The following PLEKHG4B variants were observed in gnomAD, a reference collection of about 807,000 sequenced individuals.
PLEKHG4B encodes pleckstrin homology and RhoGEF domain containing G4B.
In PLEKHG4B, 111 loss-of-function variants were observed where a neutral mutation model predicts 121.3. That is an observed-to-expected ratio of 0.92 (90% confidence interval 0.78 to 1.07). PLEKHG4B has a LOEUF of 1.07. Among genes scored for constraint, PLEKHG4B ranks in the 50% least tolerant of loss-of-function variants. PLEKHG4B has a pLI of 0.00. For missense variants in PLEKHG4B, 1,831 were observed against 1,757.8 expected, an observed-to-expected ratio of 1.04 and a Z score of -0.74; for synonymous variants, 738 against 725.0, an observed-to-expected ratio of 1.02 and a Z score of -0.29.
At chr5:125,888 A>G (rs1304836527) in intron 2 of PLEKHG4B, among the ~76,000 whole-genome samples, 5 of 152,162 alleles carry the variant, frequency 3.3e-5, no homozygotes, top group Non-Finnish European at 7.4e-5. Flanking sequence ...CCTTGTCAAC[A>G]GGATTTTTTT....
chr5:163,389 T>G lies in PLEKHG4B; in HGVS notation c.3317T>G (p.Val1106Gly). 2 of 1,613,108 alleles carry G rather than the reference T, an allele frequency of 1.2e-6. No homozygotes were observed. The highest frequency in any genetic ancestry group is 1.7e-6 in the Non-Finnish European group (2 of 1,180,028). ...TCCTGCCAGCCAGACCATACTAGTGTCTTCAGCAAGGGCCTGGAGGTAACC... is the reference window on the plus strand; with the variant it reads ...TCCTGCCAGCCAGACCATACTAGTGGCTTCAGCAAGGGCCTGGAGGTAACC... ...RDSCQPDHTSVFSKGLEVTST... is the reference protein window; with the variant it reads ...RDSCQPDHTSGFSKGLEVTST... Residue 1106 changes from valine (V) to glycine (G), a missense_variant, in exon 13 of 20, where the codon GTC (valine) becomes GGC (glycine). By Grantham distance (109) the Val-to-Gly change is moderately radical. Coordinates refer to ENST00000637938, the MANE Select transcript of PLEKHG4B (RefSeq NM_052909.5).
In PLEKHG4B at chr5:185,221, A is replaced by G. The variant is rs1471849250; in HGVS notation, c.*2898A>G. 1 of 152,246 alleles carries G rather than the reference A, an allele frequency of 6.6e-6. No homozygotes were observed. The highest frequency in any genetic ancestry group is 2.4e-5 in the African/African-American group (1 of 41,452). 9.4% of individuals were successfully genotyped at this position (152,246 alleles called of 1,614,324 possible). On this transcript the variant is annotated 3_prime_UTR_variant, in exon 20 of 20. Coordinates refer to ENST00000637938, the MANE Select transcript of PLEKHG4B (RefSeq NM_052909.5). ...AGAGAGACTGAAGCAGCCACTGGCC[A>G]TCACAGCAAACACAAGCAGGGCGCA...
At chr5:110,432 C>G (rs1449977197) in intron 1 of PLEKHG4B, among the ~76,000 whole-genome samples, 1 of 151,288 alleles carries the variant, frequency 6.6e-6, no homozygotes, top group Non-Finnish European at 1.5e-5. Context: ...AACACACGTG[C>G]ACACACCCAC....
At position 98,029 on chromosome 5, in the gene PLEKHG4B, A is replaced by G. The variant is rs992213198; in HGVS notation, c.45+5753A>G. On this transcript the variant is annotated intron_variant, in intron 1 of 19. Transcript: ENST00000637938. ...TCAGTGTAGTTTTAATTTTCATTAT[A>G]TCTATATATCTTTTGATCCATTATC... is the stretch of plus-strand genomic sequence containing the variant. Among the ~76,000 whole-genome samples the G allele has an allele frequency of 2.6e-5, 4 of 152,134 alleles. 1 individual carries two copies. Among genetic ancestry groups the G allele is most frequent in the African/African-American group, 9.7e-5 (4 of 41,388 alleles).
At chr5:164,515 A>ACAGTAATGCTCTGACGGGGCGGAGCT (rs1736180724) in intron 13 of PLEKHG4B, among the ~76,000 whole-genome samples, 1 of 94,794 alleles carries the variant, frequency 1.1e-5, no homozygotes, top group Non-Finnish European at 2.1e-5. Context: ...GGCGGAGCTC[A>ACAGTAATGCTCTGACGGGGCGGAGCT]CACAGTAATG....
chr5:145,776 CA>C (rs971907665), intron 6 of PLEKHG4B, among the ~76,000 whole-genome samples: 2 of 151,992 alleles, frequency 1.3e-5, no homozygotes, highest in African/African-American at 4.8e-5. Context: ...AGACCAGGGA[CA>C]GGGGGGTCCA....
At position 171,268 on chromosome 5, in the gene PLEKHG4B, C is replaced by T. The variant is rs1736541158; in HGVS notation, c.3874C>T (p.Pro1292Ser). 3.1e-6 allele frequency: 5 copies of T among 1,611,020 alleles called. No homozygotes were observed. Among genetic ancestry groups the T allele is most frequent in the Non-Finnish European group, 4.2e-6 (5 of 1,178,808 alleles). The change falls in exon 16 of 20, where the codon CCC becomes TCC. Residue 1292 changes from proline (P) to serine (S), a missense_variant. Coordinates refer to ENST00000637938, the MANE Select transcript of PLEKHG4B (RefSeq NM_052909.5). ...KMDLASYLLR[P>S]VQRVAKYALL... Reference sequence around the variant, plus strand: ...GGACCTGGCCTCCTACCTGCTGCGGCCCGTGCAGCGTGTGGCCAAGTACGC... The same window carrying T: ...GGACCTGGCCTCCTACCTGCTGCGGTCCGTGCAGCGTGTGGCCAAGTACGC...
chr5:163,658 A>C, intron 13 of PLEKHG4B, 110 bp downstream of exon 13: 1 of 901,966 alleles, frequency 1.1e-6, no homozygotes, highest in Non-Finnish European at 1.6e-6. Context: ...AAATCCGCAG[A>C]CATCCCTCTG....
chr5:99,350 A>G (rs1182225889), intron 1 of PLEKHG4B, among the ~76,000 whole-genome samples: 1 of 151,682 alleles, frequency 6.6e-6, no homozygotes, highest in African/African-American at 2.4e-5. Context: ...GACGTCTTAC[A>G]TGTTAAGCCT....
chr5:139,742 A>T lies in PLEKHG4B; in HGVS notation c.503A>T (p.Asn168Ile). Residue 168 changes from asparagine (N) to isoleucine (I), a missense_variant, in exon 3 of 20, where the codon AAC becomes ATC. By Grantham distance (149) the Asn-to-Ile change is moderately radical (BLOSUM62 -3). Coordinates refer to ENST00000637938, the MANE Select transcript of PLEKHG4B (RefSeq NM_052909.5). The surrounding 1 kb of genome is among the most constrained non-coding windows in gnomAD (Gnocchi z 5.0). Reference sequence around the variant, plus strand: ...ACGGGGGCGTTCCTGGAGTGGGTGAACCGGGAGCGGCGCCATGTCCCCCTG... The same window carrying T: ...ACGGGGGCGTTCCTGGAGTGGGTGATCCGGGAGCGGCGCCATGTCCCCCTG... ...VFTGAFLEWV[N>I]RERRHVPLQT... 2.5e-6 allele frequency: 1 copy of T among 398,776 alleles called. No homozygotes were observed. The highest frequency in any genetic ancestry group is 4.4e-6 in the Non-Finnish European group (1 of 226,208). 24.7% of individuals were successfully genotyped at this position (398,776 alleles called of 1,614,324 possible).
chr5:99,169 TG>T (rs1733722849), intron 1 of PLEKHG4B, among the ~76,000 whole-genome samples: 1 of 40,664 alleles, frequency 2.5e-5, no homozygotes, highest in African/African-American at 9.2e-5. Context: ...AAAAAAAAAG[TG>T]TATATATATA....
chr5:142,485 A>G (rs942200798), intron 3 of PLEKHG4B, among the ~76,000 whole-genome samples: 2 of 151,458 alleles, frequency 1.3e-5, no homozygotes, highest in African/African-American at 4.9e-5. Context: ...AGTTACACAT[A>G]TCACACACGC....
intron 7 of PLEKHG4B, among the ~76,000 whole-genome samples, chr5:152,115 T>C (rs1414405368): frequency 6.6e-6 from 1 of 150,762 alleles, no homozygotes; most frequent in Admixed American, 6.6e-5. Context: ...CGGGCTTGGT[T>C]TTCTTCATTA....
intron 1 of PLEKHG4B, among the ~76,000 whole-genome samples, chr5:103,471 A>G (rs182031460): frequency 1.5e-3 from 225 of 152,218 alleles, no homozygotes; most frequent in African/African-American, 5.1e-3. Context: ...TTTTCCCTGC[A>G]TTTGTCTTTA....
intron 13 of PLEKHG4B, chr5:169,121 G>A (rs1378721569): frequency 1.4e-5 from 8 of 579,432 alleles, no homozygotes; most frequent in East Asian, 3.0e-5. Flanking sequence ...TGATCTACCC[G>A]CCTCAGCCTC....
At chr5:175,275 C>G (rs13154323) in intron 18 of PLEKHG4B, among the ~76,000 whole-genome samples, 1 of 151,754 alleles carries the variant, frequency 6.6e-6, no homozygotes, top group Non-Finnish European at 1.5e-5. Context: ...CCCTAGGATC[C>G]CTTCCCCAGG....
intron 2 of PLEKHG4B, among the ~76,000 whole-genome samples, chr5:129,805 T>C (rs1231687562): frequency 1.3e-5 from 2 of 152,152 alleles, no homozygotes; most frequent in African/African-American, 2.4e-5. Flanking sequence ...ATTTAGGGTA[T>C]GTATGACCTT....
intron 18 of PLEKHG4B, among the ~76,000 whole-genome samples, chr5:181,261 G>C (rs930162764): frequency 6.6e-6 from 1 of 152,136 alleles, no homozygotes; most frequent in Non-Finnish European, 1.5e-5. Context: ...GGTTGGACAC[G>C]CCGTTTCCAA....
At chr5:129,841 C>T (rs1734728025) in intron 2 of PLEKHG4B, among the ~76,000 whole-genome samples, 1 of 151,894 alleles carries the variant, frequency 6.6e-6, no homozygotes, top group African/African-American at 2.4e-5. Context: ...CCTGCCTTAG[C>T]AAACTAATTG....
Sources: allele counts gnomAD v4.1 joint callset (sites outside exome capture counted in the v4.1 genomes callset), GRCh38; gene constraint gnomAD v4.1.1; non-coding constraint Gnocchi (gnomAD v3.1); transcripts MANE v1.5; gene names NCBI Gene and HGNC (gene_info 2026-07-23, HGNC 2026-07-21).